The following NBPF11 variants were observed in gnomAD, a reference collection of about 807,000 sequenced individuals.
NBPF11 encodes NBPF member 11, also known as NBPF family member NBPF11.
In NBPF11, 72 loss-of-function variants were observed where a neutral mutation model predicts 93.9. That is an observed-to-expected ratio of 0.77 (90% CI 0.63 to 0.93). The LOEUF is 0.93. Ranked by LOEUF, NBPF11 falls within the 40% of genes least tolerant of loss-of-function variation. The pLI is 0.00. For missense variants in NBPF11, 705 were observed against 802.2 expected (o/e 0.88, Z 1.46); for synonymous variants, 224 against 304.9 (o/e 0.73, Z 2.76).
intron 4 of NBPF11, among the ~76,000 whole-genome samples, chr1:148,133,618 G>A (rs78782531): frequency 3.3e-5 from 5 of 151,968 alleles, no homozygotes; most frequent in African/African-American, 7.3e-5. Flanking sequence ...TTTTGCCCTG[G>A]TAATATATAA....
At chr1:148,137,879 G>T (rs1464724247) in intron 2 of NBPF11, 70 bp from the exon 3 acceptor site, 2 of 144,288 alleles carry the variant, frequency 1.4e-5, no homozygotes, top group Non-Finnish European at 3.1e-5. Flanking sequence ...TTCTCGTTAG[G>T]TGGAAGGAGA....
chr1:148,108,512 G>C lies in NBPF11; in HGVS notation c.1996C>G (p.Gln666Glu). The C allele has an allele frequency of 6.3e-7, 1 of 1,595,454 alleles. No homozygotes were observed. The highest frequency in any genetic ancestry group is 8.6e-7 in the Non-Finnish European group (1 of 1,166,070). ...YRSAFYVLEQ[Q>E]RIGLAVDMDE... Reference sequence around the variant, plus strand: ...ATGTCAACAGCCAAGCCAATACGCTGTTGCTCCAATACGTAAAAGGCACTT... The same window carrying C: ...ATGTCAACAGCCAAGCCAATACGCTCTTGCTCCAATACGTAAAAGGCACTT... Residue 666 changes from glutamine (Q) to glutamate (E), a missense_variant, in exon 18 of 24, where the codon CAG becomes GAG. Coordinates refer to ENST00000682118, the MANE Select transcript of NBPF11 (RefSeq NM_001385469.3).
rs1462932767 is a variant in NBPF11 at position 148,112,994 on chromosome 1, G to A, written c.1637+1443C>T. ...GCACTAAACATGGAAAGGAACAACC[G>A]GTACCAGCCACTGCAAAAACATGCC... is the stretch of plus-strand genomic sequence containing the variant. On this transcript the variant is annotated intron_variant, in intron 15 of 23. Coordinates refer to ENST00000682118, the MANE Select transcript of NBPF11 (RefSeq NM_001385469.3). 7.9e-5 allele frequency among the ~76,000 whole-genome samples: 12 copies of A among 151,912 alleles called. No homozygotes were observed. In the South Asian group the frequency reaches 1.5e-3, roughly 18 times the overall value.
At chr1:148,105,747 A>G (rs61807287) in intron 21 of NBPF11, among the ~76,000 whole-genome samples, 2 of 74,204 alleles carry the variant, frequency 2.7e-5, no homozygotes, top group Admixed American at 2.7e-4. Flanking sequence ...CACACACACA[A>G]ACACACACAC....
intron 2 of NBPF11, among the ~76,000 whole-genome samples, chr1:148,142,942 G>C (rs1447122719): frequency 6.6e-6 from 1 of 152,286 alleles, no homozygotes; most frequent in East Asian, 1.9e-4. Context: ...GACACATCTA[G>C]AGGGCACTGC....
intron 10 of NBPF11, among the ~76,000 whole-genome samples, chr1:148,119,305 T>A (rs1238403552): frequency 6.6e-6 from 1 of 151,886 alleles, no homozygotes; most frequent in Non-Finnish European, 1.5e-5. Flanking sequence ...GAAGTTTCTG[T>A]TAATTTAGAA....
Position 148,122,810 on chromosome 1 carries a change from A to T in NBPF11, c.494-9T>A. ...CTCATCTTCGTCATTTTCTATAAAT[A>T]CAAAATGTTCGTTCAGATATTTCCC... On this transcript the variant is annotated splice_polypyrimidine_tract_variant and intron_variant, in intron 7 of 23. Coordinates refer to ENST00000682118, the MANE Select transcript of NBPF11 (RefSeq NM_001385469.3). 4 of 1,609,824 alleles carry T rather than the reference A, an allele frequency of 2.5e-6. No homozygotes were observed. Among genetic ancestry groups the T allele is most frequent in the Non-Finnish European group, 3.4e-6 (4 of 1,177,920 alleles).
At chr1:148,149,402 G>T in intron 1 of NBPF11, 2 of 1,581,668 alleles carry the variant, frequency 1.3e-6, no homozygotes, top group Non-Finnish European at 1.7e-6. Context: ...GGAGGACGAG[G>T]TGATCGACTT....
intron 18 of NBPF11, among the ~76,000 whole-genome samples, chr1:148,108,002 C>T (rs1180327822): frequency 6.6e-6 from 1 of 150,774 alleles, no homozygotes; most frequent in South Asian, 2.1e-4. Flanking sequence ...TCATTTGTCC[C>T]AAGTTTGTGC....
chr1:148,108,840 A>AC (rs1664483914), intron 17 of NBPF11, among the ~76,000 whole-genome samples, 186 bp from the exon 18 acceptor site: 1 of 71,730 alleles, frequency 1.4e-5, no homozygotes, highest in Non-Finnish European at 3.0e-5. Flanking sequence ...ATGAAAGAGA[A>AC]AGACACACAC....
chr1:148,126,882 C>T lies in NBPF11; in HGVS notation c.122G>A (p.Arg41Lys), dbSNP rs6675526. Reference protein sequence around the residue: ...NKQQFRNLKERCFLTQLAGFL... With the variant: ...NKQQFRNLKEKCFLTQLAGFL... ...GCCGGCCAGTTGAGTTAGAAAACATCTCTCTTTGAGGTTTCTGAACTGCTG... is the reference window on the plus strand; with the variant it reads ...GCCGGCCAGTTGAGTTAGAAAACATTTCTCTTTGAGGTTTCTGAACTGCTG... Residue 41 changes from arginine to lysine, a missense_variant, in exon 5 of 24, where the codon AGA becomes AAA. Coordinates refer to ENST00000682118, the MANE Select transcript of NBPF11 (RefSeq NM_001385469.3). The T allele has an allele frequency of 3.7e-5, 54 of 1,464,086 alleles. No individual in the cohort carries two copies. Among genetic ancestry groups the T allele is most frequent in the African/African-American group, 1.6e-4 (11 of 69,956 alleles). The allele number at this position is 1,464,086 out of a possible 1,614,324, so 90.7% of individuals were successfully genotyped here.
At chr1:148,115,484 T>G (rs1666288392) in intron 14 of NBPF11, among the ~76,000 whole-genome samples, 3 of 150,950 alleles carry the variant, frequency 2.0e-5, no homozygotes, top group African/African-American at 7.4e-5. Flanking sequence ...CAGGGACAGA[T>G]GACTAAATCA....
rs1235020025 is a variant in NBPF11, at chr1:148,108,514, T to A, written c.1994A>T (p.Gln665Leu). The A allele has an allele frequency of 6.3e-7, 1 of 1,596,586 alleles. No individual in the cohort carries two copies. The highest frequency in any genetic ancestry group is 1.7e-5 in the Admixed American group (1 of 59,908). Residue 665 changes from glutamine to leucine, a missense_variant, in exon 18 of 24, where the codon CAA becomes CTA. Physicochemically the swap from Gln to Leu is moderately radical, Grantham distance 113. Around this residue, in one of 12 missense-constraint regions of NBPF11, gnomAD observed 97 missense variants for 65.0 expected, o/e 1.49. Coordinates refer to ENST00000682118, the MANE Select transcript of NBPF11 (RefSeq NM_001385469.3). Reference sequence around the variant, plus strand: ...GTCAACAGCCAAGCCAATACGCTGTTGCTCCAATACGTAAAAGGCACTTCT... The same window carrying A: ...GTCAACAGCCAAGCCAATACGCTGTAGCTCCAATACGTAAAAGGCACTTCT... ...PYRSAFYVLEQQRIGLAVDMD... is the reference protein window; with the variant it reads ...PYRSAFYVLELQRIGLAVDMD...
chr1:148,122,215 T>G lies in NBPF11; in HGVS notation c.618A>C (p.Glu206Asp), dbSNP rs1165828395. 1 of 1,612,100 alleles carries G rather than the reference T, an allele frequency of 6.2e-7. No individual in the cohort carries two copies. The highest frequency in any genetic ancestry group is 1.3e-5 in the African/African-American group (1 of 74,658). ...GGCTATTTGAACAAGTGATGGCACA[T>G]TCCTCCAGTGAGTCCTCAGGGACTT... Reference protein sequence around the residue: ...ESKVPEDSLEECAITCSNSHG... With the variant: ...ESKVPEDSLEDCAITCSNSHG... Residue 206 changes from glutamate to aspartate, a missense_variant, in exon 9 of 24, where the codon GAA (glutamate) becomes GAC (aspartate). Transcript: ENST00000682118.
At chr1:148,135,932 A>T in intron 3 of NBPF11, 119 bp from the exon 4 acceptor site, 2 of 721,816 alleles carry the variant, frequency 2.8e-6, no homozygotes, top group Admixed American at 4.3e-5. Flanking sequence ...AGAGAAGCTC[A>T]TACTGGTCAC....
chr1:148,143,286 A>C, intron 2 of NBPF11, 129 bp downstream of exon 2: 1 of 509,964 alleles, frequency 2.0e-6, no homozygotes. Context: ...ATATTTATTT[A>C]ATATCTGTTT....
rs796831592 is a variant in NBPF11 at position 148,113,118 on chromosome 1, C to A, written c.1637+1319G>T. 1.6e-4 allele frequency among the ~76,000 whole-genome samples: 24 copies of A among 151,910 alleles called. No homozygotes were observed. The East Asian group carries it at 2.9e-3, about 18-fold the overall frequency. On this transcript the variant is annotated intron_variant, in intron 15 of 23. Transcript: ENST00000682118. ...CGACAGGATCAAATTCACACATAAC[C>A]ATATTAACCTTAAATGTAAAGGGGC...
At position 148,143,445 on chromosome 1, in the gene NBPF11, C is replaced by G. The variant is rs1672506961; in HGVS notation, c.-307G>C. 1.4e-5 allele frequency: 13 copies of G among 950,870 alleles called. No homozygotes were observed. Among genetic ancestry groups the G allele is most frequent in the Non-Finnish European group, 1.8e-5 (13 of 735,900 alleles). 58.9% of individuals were successfully genotyped at this position (950,870 alleles called of 1,614,324 possible). On this transcript the variant is annotated 5_prime_UTR_variant, in exon 2 of 24. Coordinates refer to ENST00000682118, the MANE Select transcript of NBPF11 (RefSeq NM_001385469.3). ...GGATCTGGCAGCTCTTCATGTCGGC[C>G]CACACCATGTGAAGCTGCTCTTGGT...
chr1:148,146,903 G>A (rs1673221256), intron 1 of NBPF11: 1 of 1,612,622 alleles, frequency 6.2e-7, no homozygotes, highest in Non-Finnish European at 8.5e-7. Context: ...GACGCCACCT[G>A]GCAGGCCCTG....
Sources: gnomAD v4.1 joint callset for allele counts (sites outside exome capture counted in the v4.1 genomes callset) on GRCh38, gnomAD v4.1.1 for gene constraint, gnomAD v4.1.1 regional missense constraint, MANE v1.5 for transcripts, NCBI Gene and HGNC (gene_info 2026-07-23, HGNC 2026-07-21) for gene names.